Variants in ZFPM2 observed in about 807,000 individuals in gnomAD.
ZFPM2 encodes zinc finger protein ZFPM2.
In ZFPM2, 20 loss-of-function variants were observed where a neutral mutation model predicts 98.6. That is an observed-to-expected ratio of 0.20 (90% CI 0.14 to 0.29). The LOEUF (loss-of-function observed/expected upper bound fraction) is 0.29, where lower values mean the gene tolerates loss of function less well. Among genes scored for constraint, ZFPM2 ranks in the 10% least tolerant of loss-of-function variants. ZFPM2 has a pLI of 1.00. For synonymous variants in ZFPM2, 518 were observed against 502.7 expected, an observed-to-expected ratio of 1.03 and a Z score of -0.41; for missense variants, 1,310 against 1,388.6, an observed-to-expected ratio of 0.94 and a Z score of 0.90.
At chr8:105,333,650 G>C (rs1241788510) in intron 1 of ZFPM2, among the ~76,000 whole-genome samples, 2 of 151,582 alleles carry the variant, frequency 1.3e-5, no homozygotes, top group African/African-American at 4.8e-5. Context: ...CATGGTTTCT[G>C]ATAGCAAAAA....
At chr8:105,488,816 A>C (rs1813290423) in intron 3 of ZFPM2, among the ~76,000 whole-genome samples, 1 of 152,122 alleles carries the variant, frequency 6.6e-6, no homozygotes, top group Non-Finnish European at 1.5e-5. Flanking sequence ...GAATTGGAGG[A>C]AAAGAGATTC....
At chr8:105,366,723 T>A (rs1197563639) in intron 1 of ZFPM2, among the ~76,000 whole-genome samples, 16 of 135,974 alleles carry the variant, frequency 1.2e-4, no homozygotes, top group Non-Finnish European at 2.3e-4. Flanking sequence ...CCTGTGTCCA[T>A]GTGATCTCAT....
chr8:105,765,362 A>G (rs1812833877), intron 5 of ZFPM2, among the ~76,000 whole-genome samples: 1 of 151,832 alleles, frequency 6.6e-6, no homozygotes. Flanking sequence ...TTTCCCCTTA[A>G]TAAAGCTGAT....
At chr8:105,646,829 A>G (rs982839006) in intron 5 of ZFPM2, among the ~76,000 whole-genome samples, 1 of 152,038 alleles carries the variant, frequency 6.6e-6, no homozygotes, top group Non-Finnish European at 1.5e-5. Context: ...GAGATTGTAG[A>G]TGATCCCTTA....
At position 105,802,279 on chromosome 8, in the gene ZFPM2, A is replaced by T; in HGVS notation, c.2197A>T (p.Met733Leu). Residue 733 changes from methionine (M) to leucine (L), a missense_variant, in exon 8 of 8, where the codon ATG becomes TTG. Coordinates refer to ENST00000407775, the MANE Select transcript of ZFPM2 (RefSeq NM_012082.4). ...CAAAGTGCCTGCCATGCAGAGAACC[A>T]TGCGCACACGCAAGCGCAGAAAGAT... ...SNKVPAMQRT[M>L]RTRKRRKMYE... 6.2e-7 allele frequency: 1 copy of T among 1,613,890 alleles called. No individual in the cohort carries two copies. Among genetic ancestry groups the T allele is most frequent in the Non-Finnish European group, 8.5e-7 (1 of 1,179,856 alleles).
At chr8:105,401,214 C>T (rs1330660674) in intron 1 of ZFPM2, among the ~76,000 whole-genome samples, 2 of 150,500 alleles carry the variant, frequency 1.3e-5, no homozygotes, top group Admixed American at 1.3e-4. Flanking sequence ...TCATTAAATA[C>T]AGACTTAATT....
chr8:105,777,132 A>G (rs772271951), intron 5 of ZFPM2, among the ~76,000 whole-genome samples: 2 of 152,188 alleles, frequency 1.3e-5, no homozygotes, highest in Admixed American at 6.5e-5. Flanking sequence ...GGAGAAAACC[A>G]GAGTGCAGTT....
intron 5 of ZFPM2, among the ~76,000 whole-genome samples, chr8:105,735,627 C>G (rs1812050018): frequency 6.6e-6 from 1 of 151,502 alleles, no homozygotes; most frequent in African/African-American, 2.4e-5. Flanking sequence ...CAGACACAGT[C>G]AAGGTTTCAA....
intron 5 of ZFPM2, among the ~76,000 whole-genome samples, chr8:105,686,894 A>G (rs1226019216): frequency 6.6e-6 from 1 of 152,098 alleles, no homozygotes; most frequent in East Asian, 1.9e-4. Context: ...CCAGTATTGG[A>G]AAATATAGTA....
At chr8:105,328,145 T>C (rs1812149324) in intron 1 of ZFPM2, among the ~76,000 whole-genome samples, 1 of 151,876 alleles carries the variant, frequency 6.6e-6, no homozygotes, top group Non-Finnish European at 1.5e-5. Context: ...CTTACATGAT[T>C]AAAGTATGCA....
intron 1 of ZFPM2, among the ~76,000 whole-genome samples, chr8:105,375,234 G>A (rs541617476): frequency 6.6e-6 from 1 of 152,248 alleles, no homozygotes; most frequent in Non-Finnish European, 1.5e-5. Flanking sequence ...TACCACACTT[G>A]AGAAAGGAAA....
intron 1 of ZFPM2, among the ~76,000 whole-genome samples, chr8:105,385,477 C>T (rs1369735842): frequency 6.6e-6 from 1 of 152,130 alleles, no homozygotes; most frequent in Non-Finnish European, 1.5e-5. Context: ...ATTGCCAAGT[C>T]ACTAGAAATT....
At chr8:105,718,679 G>A (rs568429995) in intron 5 of ZFPM2, among the ~76,000 whole-genome samples, 1 of 151,804 alleles carries the variant, frequency 6.6e-6, no homozygotes, top group Admixed American at 6.6e-5. Context: ...ACATACAGTG[G>A]AATTACTGTT....
intron 7 of ZFPM2, among the ~76,000 whole-genome samples, chr8:105,799,538 G>T (rs1362166859): frequency 6.6e-6 from 1 of 151,970 alleles, no homozygotes; most frequent in African/African-American, 2.4e-5. Flanking sequence ...AAAAAAATAG[G>T]CTGAAAAACA....
intron 5 of ZFPM2, among the ~76,000 whole-genome samples, chr8:105,734,119 T>C (rs1812014254): frequency 6.6e-6 from 1 of 151,936 alleles, no homozygotes; most frequent in Non-Finnish European, 1.5e-5. Context: ...CCATGTCATA[T>C]GACATTTTGG....
chr8:105,476,912 T>G (rs1813023024), intron 3 of ZFPM2, among the ~76,000 whole-genome samples: 1 of 151,972 alleles, frequency 6.6e-6, no homozygotes, highest in African/African-American at 2.4e-5. Context: ...GCACAAGGCT[T>G]TTTCGTATTC....
At chr8:105,673,730 TA>T in intron 5 of ZFPM2, among the ~76,000 whole-genome samples, 1 of 152,310 alleles carries the variant, frequency 6.6e-6, no homozygotes, top group South Asian at 2.1e-4. Flanking sequence ...AGAGTTTATT[TA>T]GGATGAGAGA....
At chr8:105,637,293 A>G (rs541735802) in intron 5 of ZFPM2, among the ~76,000 whole-genome samples, 1 of 152,180 alleles carries the variant, frequency 6.6e-6, no homozygotes, top group African/African-American at 2.4e-5. Context: ...AATCAAAACC[A>G]CTCGGGCTTT....
chr8:105,615,293 C>A (rs1308317117), intron 4 of ZFPM2, among the ~76,000 whole-genome samples: 1 of 152,054 alleles, frequency 6.6e-6, no homozygotes, highest in Non-Finnish European at 1.5e-5. Flanking sequence ...TGCACAGTCT[C>A]AGAAGATATG....
Sources: gnomAD v4.1 joint callset for allele counts (sites outside exome capture counted in the v4.1 genomes callset) on GRCh38, gnomAD v4.1.1 for gene constraint, MANE v1.5 for transcripts, NCBI Gene and HGNC (gene_info 2026-07-23, HGNC 2026-07-21) for gene names.